The following PTPRG variants were observed in gnomAD, a reference collection of about 807,000 sequenced individuals.
PTPRG encodes protein tyrosine phosphatase receptor type G.
In PTPRG, 102 loss-of-function variants were observed where a neutral mutation model predicts 165.3. The observed-to-expected ratio is 0.62, with a 90% CI of 0.53 to 0.73. The LOEUF (loss-of-function observed/expected upper bound fraction) is 0.73. Ranked by LOEUF, PTPRG falls within the 30% of genes least tolerant of loss-of-function variation. PTPRG has a pLI of 0.00. For synonymous variants in PTPRG, 675 were observed against 669.5 expected (o/e 1.01, Z -0.13); for missense variants, 1,866 against 1,861.4 (o/e 1.00, Z -0.05).
chr3:61,792,996 G>T (rs1223525879), intron 2 of PTPRG, among the ~76,000 whole-genome samples: 1 of 152,078 alleles, frequency 6.6e-6, no homozygotes, highest in Non-Finnish European at 1.5e-5. Flanking sequence ...CAAAGTGCTG[G>T]GATTACAGGC....
chr3:62,292,052 G>A (rs970193407), intron 28 of PTPRG, among the ~76,000 whole-genome samples: 1 of 151,836 alleles, frequency 6.6e-6, no homozygotes, highest in African/African-American at 2.4e-5. Flanking sequence ...TTCATCACTG[G>A]CTGCTTGTCC....
At chr3:61,705,863 T>G (rs1399020398) in intron 1 of PTPRG, among the ~76,000 whole-genome samples, 1 of 152,204 alleles carries the variant, frequency 6.6e-6, no homozygotes, top group Non-Finnish European at 1.5e-5. Flanking sequence ...TTCTTCCTTT[T>G]TATCTTTTGC....
rs1350384895 is a variant in PTPRG, at chr3:62,281,655, C to T, written c.3858C>T (p.Cys1286=). 6.2e-7 allele frequency: 1 copy of T among 1,607,870 alleles called. No individual in the cohort carries two copies. The highest frequency in any genetic ancestry group is 2.2e-5 in the East Asian group (1 of 44,554). ...CCCTTATCAGCAAAGACAGACTGTGCCTCTCTAATGAAGAACAAATTATCA... is the reference window on the plus strand; with the variant it reads ...CCCTTATCAGCAAAGACAGACTGTGTCTCTCTAATGAAGAACAAATTATCA... ...TVTLISKDRL[C]LSNEEQIIIH... is the part of the protein sequence containing the mutation. Residue 1286 remains cysteine, a synonymous_variant, in exon 27 of 30, where the codon TGC becomes TGT. Coordinates refer to ENST00000474889, the MANE Select transcript of PTPRG (RefSeq NM_002841.4).
intron 1 of PTPRG, among the ~76,000 whole-genome samples, chr3:61,601,036 C>T (rs1700851801): frequency 6.6e-6 from 1 of 152,316 alleles, no homozygotes; most frequent in East Asian, 1.9e-4. Flanking sequence ...GGGCAGATCA[C>T]TTGAGGTCGG....
At chr3:61,569,007 C>T (rs1011156403) in intron 1 of PTPRG, among the ~76,000 whole-genome samples, 7 of 152,152 alleles carry the variant, frequency 4.6e-5, no homozygotes, top group Admixed American at 2.0e-4. Context: ...GTTTTGGAAG[C>T]CTCCCAAACG....
At chr3:61,765,373 G>A (rs1189210776) in intron 2 of PTPRG, among the ~76,000 whole-genome samples, 1 of 152,212 alleles carries the variant, frequency 6.6e-6, no homozygotes, top group Non-Finnish European at 1.5e-5. Context: ...GAGGTGGTGA[G>A]ATTGCTTTTA....
At chr3:61,965,829 C>T (rs947573209) in intron 2 of PTPRG, among the ~76,000 whole-genome samples, 1 of 152,222 alleles carries the variant, frequency 6.6e-6, no homozygotes, top group Non-Finnish European at 1.5e-5. Context: ...TTGCCCAGGA[C>T]CACTTACATG....
chr3:61,813,591 G>T (rs886321061), intron 2 of PTPRG, among the ~76,000 whole-genome samples: 3 of 140,558 alleles, frequency 2.1e-5, no homozygotes, highest in Non-Finnish European at 3.1e-5. Context: ...GTGTGTGTGT[G>T]TTTAGTTGTA....
At chr3:61,656,151 GA>G (rs1288919225) in intron 1 of PTPRG, among the ~76,000 whole-genome samples, 5 of 152,024 alleles carry the variant, frequency 3.3e-5, no homozygotes, top group African/African-American at 1.2e-4. Flanking sequence ...AGGATCAGTT[GA>G]ACCCAGGAGT....
At chr3:62,042,300 C>T (rs1700154330) in intron 4 of PTPRG, among the ~76,000 whole-genome samples, 1 of 152,188 alleles carries the variant, frequency 6.6e-6, no homozygotes, top group African/African-American at 2.4e-5. Flanking sequence ...TAAACCTGGG[C>T]TTCACCAGTA....
intron 1 of PTPRG, among the ~76,000 whole-genome samples, chr3:61,738,314 A>ATGTGTATATATGTG (rs1559583418): frequency 1.3e-5 from 1 of 78,780 alleles, no homozygotes. Flanking sequence ...ATATATATAC[A>ATGTGTATATATGTG]TATATATATA....
intron 2 of PTPRG, among the ~76,000 whole-genome samples, chr3:61,883,101 G>C (rs2107475311): frequency 8.3e-6 from 1 of 120,686 alleles, no homozygotes; most frequent in Middle Eastern, 4.2e-3. Flanking sequence ...GCACAGGTGA[G>C]GTGTTCAAGC....
chr3:61,866,120 A>G (rs1217831075), intron 2 of PTPRG, among the ~76,000 whole-genome samples: 1 of 152,176 alleles, frequency 6.6e-6, no homozygotes, highest in Non-Finnish European at 1.5e-5. Flanking sequence ...CATATGTGAT[A>G]TGGATAAGTC....
At chr3:62,078,914 C>A (rs1701480364) in intron 5 of PTPRG, among the ~76,000 whole-genome samples, 2 of 152,114 alleles carry the variant, frequency 1.3e-5, no homozygotes, top group African/African-American at 4.8e-5. Context: ...AGTGCCTTGA[C>A]CAACTTGCCT....
Position 62,151,323 on chromosome 3 carries a change from G to T in PTPRG, c.683-5744G>T, listed in dbSNP as rs12631473. 1.1e-3 allele frequency among the ~76,000 whole-genome samples: 170 copies of T among 152,110 alleles called. 5 individuals are homozygous for T. In the East Asian group the frequency reaches 0.028, roughly 25 times the overall value. On this transcript the variant is annotated intron_variant, in intron 6 of 29. Coordinates refer to ENST00000474889, the MANE Select transcript of PTPRG (RefSeq NM_002841.4). ...ATATAAACCCTTTGCATTCAAATAA[G>T]GTATTTCTTTTTCCAAATAAATCTC...
chr3:61,659,329 T>C, intron 1 of PTPRG: 1 of 985,354 alleles, frequency 1.0e-6, no homozygotes, highest in Non-Finnish European at 1.2e-6. Context: ...TGCTGCTCAG[T>C]TGAGGATTTT....
intron 7 of PTPRG, among the ~76,000 whole-genome samples, chr3:62,160,162 A>G (rs772976161): frequency 1.3e-5 from 2 of 152,196 alleles, no homozygotes; most frequent in Non-Finnish European, 2.9e-5. Context: ...GCCTGCACTC[A>G]ATGAAAATTT....
chr3:61,623,437 C>G (rs1163250892), intron 1 of PTPRG, among the ~76,000 whole-genome samples: 1 of 152,138 alleles, frequency 6.6e-6, no homozygotes, highest in Non-Finnish European at 1.5e-5. Context: ...CTAGGCCTTG[C>G]TTTCTTTAAG....
chr3:61,849,584 T>G (rs1349878087), intron 2 of PTPRG, among the ~76,000 whole-genome samples: 1 of 152,186 alleles, frequency 6.6e-6, no homozygotes, highest in Non-Finnish European at 1.5e-5. Context: ...GAGAATGTGA[T>G]GAACTTAATG....
Sources: gnomAD v4.1 joint callset for allele counts (sites outside exome capture counted in the v4.1 genomes callset) on GRCh38, gnomAD v4.1.1 for gene constraint, MANE v1.5 for transcripts, NCBI Gene and HGNC (gene_info 2026-07-23, HGNC 2026-07-21) for gene names.